PDZD2: variants seen among roughly 807,000 people sequenced by gnomAD.
PDZD2 encodes the protein PDZ domain-containing protein 2.
In PDZD2, 90 loss-of-function variants were observed where a neutral mutation model predicts 220.7. The ratio of observed to expected loss-of-function variants is 0.41; its 90% CI spans 0.34 to 0.49. The LOEUF is 0.49. PDZD2 is among the 20% of genes least tolerant of loss of function. The pLI, the probability that PDZD2 is intolerant of heterozygous loss-of-function variation, is 0.28. For missense variants in PDZD2, 3,174 were observed against 3,608.5 expected (o/e 0.88, Z 3.08); for synonymous variants, 1,375 against 1,450.5 (o/e 0.95, Z 1.18).
At chr5:31,951,505 C>A (rs1200031141) in intron 2 of PDZD2, among the ~76,000 whole-genome samples, 2 of 152,220 alleles carry the variant, frequency 1.3e-5, no homozygotes, top group Non-Finnish European at 2.9e-5. Context: ...TGGGGAGACA[C>A]AAACATTGAG....
intron 1 of PDZD2, among the ~76,000 whole-genome samples, chr5:31,736,213 A>G (rs937054570): frequency 2.6e-5 from 4 of 152,248 alleles, no homozygotes; most frequent in Non-Finnish European, 5.9e-5. Context: ...AAAGAATATC[A>G]TTAAAATAAT....
chr5:31,995,731 C>T lies in PDZD2; in HGVS notation c.1121+13C>T, dbSNP rs1751573863. The T allele has an allele frequency of 6.2e-7, 1 of 1,609,496 alleles. No homozygotes were observed. Among genetic ancestry groups the T allele is most frequent in the Non-Finnish European group, 8.5e-7 (1 of 1,177,836 alleles). ...GTGCCGCTCACAGGTGACTAGATAA[C>T]TCTCCCCTCTCCCCCATCCCTCTGC... On this transcript the variant is annotated intron_variant, in intron 4 of 24. Coordinates refer to ENST00000438447, the MANE Select transcript of PDZD2 (RefSeq NM_178140.4).
rs1157207021 is a variant in PDZD2, at chr5:32,073,771, TAAGAC to T, written c.2726-59_2726-55del. On this transcript the variant is annotated intron_variant, in intron 17 of 24. Coordinates refer to ENST00000438447, the MANE Select transcript of PDZD2 (RefSeq NM_178140.4). Reference sequence around the variant, plus strand: ...TATGTGTAATGATGGGGTCAGATGATAAGACAGGGCCAAGTGGGAAGCTCAATTTC... The same window carrying T: ...TATGTGTAATGATGGGGTCAGATGATAGGGCCAAGTGGGAAGCTCAATTTC... 9 of 1,080,226 alleles carry T rather than the reference TAAGAC, an allele frequency of 8.3e-6. No homozygotes were observed. In the African/African-American group the frequency reaches 1.3e-4, roughly 15 times the overall value. The allele number at this position is 1,080,226 out of a possible 1,614,324, so 66.9% of individuals were successfully genotyped here. A position where few individuals can be genotyped will look rare whatever the true frequency, so the allele number is the denominator to read the frequency against.
rs562836178 is a variant in PDZD2, at chr5:31,763,049, C to A, written c.-360-35840C>A. Among the ~76,000 whole-genome samples, 5 of 152,296 alleles carry A rather than the reference C, an allele frequency of 3.3e-5. No homozygotes were observed. In the East Asian group the frequency reaches 5.8e-4, roughly 18 times the overall value. ...ATTAAGAATGTGATTTTTTAAAGCACTTTAGGGAGTTACTAGAAATCGGAA... is the reference window on the plus strand; with the variant it reads ...ATTAAGAATGTGATTTTTTAAAGCAATTTAGGGAGTTACTAGAAATCGGAA... On this transcript the variant is annotated intron_variant, in intron 1 of 24. Coordinates refer to ENST00000438447, the MANE Select transcript of PDZD2 (RefSeq NM_178140.4).
chr5:31,806,300 G>T (rs1242964090), intron 2 of PDZD2, among the ~76,000 whole-genome samples: 1 of 152,174 alleles, frequency 6.6e-6, no homozygotes, highest in East Asian at 1.9e-4. Context: ...GGTCGATTTG[G>T]AATGTCCATC....
chr5:31,868,823 G>A (rs749487982), intron 2 of PDZD2, among the ~76,000 whole-genome samples: 4 of 152,214 alleles, frequency 2.6e-5, no homozygotes, highest in African/African-American at 4.8e-5. Flanking sequence ...CCAGGCTGGA[G>A]TGCAGTGGCA....
rs772037469 is a variant in PDZD2, at chr5:32,061,051, G to A, written c.2368G>A (p.Ala790Thr). The A allele has an allele frequency of 1.2e-6, 2 of 1,614,160 alleles. No homozygotes were observed. The highest frequency in any genetic ancestry group is 1.7e-6 in the Non-Finnish European group (2 of 1,179,996). ...EVNSVNVRHA[A>T]LSKVHAILSK... is the part of the protein sequence containing the mutation. ...GAACTCCGTCAACGTCCGCCATGCT[G>A]CTTTAAGCAAAGTCCACGCCATCTT... The change falls in exon 14 of 25, where the codon GCT (alanine) becomes ACT (threonine). Residue 790 changes from alanine to threonine, a missense_variant. Around this residue, in one of 4 missense-constraint regions of PDZD2, gnomAD observed 1,861 missense variants for 2,001.0 expected, o/e 0.93. Coordinates refer to ENST00000438447, the MANE Select transcript of PDZD2 (RefSeq NM_178140.4).
At chr5:31,955,416 T>A (rs917899024) in intron 2 of PDZD2, among the ~76,000 whole-genome samples, 2 of 152,044 alleles carry the variant, frequency 1.3e-5, no homozygotes, top group Admixed American at 1.3e-4. Context: ...TTCTCCTGCC[T>A]CAGCCTCCTG....
chr5:31,863,919 G>GAT (rs1348295334), intron 2 of PDZD2, among the ~76,000 whole-genome samples: 11 of 152,062 alleles, frequency 7.2e-5, no homozygotes, highest in South Asian at 2.1e-4. Flanking sequence ...ATACATAACA[G>GAT]ATATATATAT....
At position 32,101,172 on chromosome 5, in the gene PDZD2, G is replaced by A; in HGVS notation, c.8286G>A (p.Leu2762=). 1.9e-6 allele frequency: 3 copies of A among 1,614,118 alleles called. No individual in the cohort carries two copies. Among genetic ancestry groups the A allele is most frequent in the Non-Finnish European group, 2.5e-6 (3 of 1,179,978 alleles). The change falls in exon 24 of 25, where the codon CTG becomes CTA. Residue 2762 remains leucine (L), a synonymous_variant. Coordinates refer to ENST00000438447, the MANE Select transcript of PDZD2 (RefSeq NM_178140.4). ...EVLKTSAGLG[L]SLDGGKSSVT... is the part of the protein sequence containing the mutation. ...TGAAGACCTCGGCTGGGCTGGGACT[G>A]AGTCTGGATGGGGGAAAATCATCGG...
intron 4 of PDZD2, among the ~76,000 whole-genome samples, chr5:31,998,634 G>C (rs1373323293): frequency 6.6e-6 from 1 of 152,218 alleles, no homozygotes. Flanking sequence ...CTTTAGAACA[G>C]AGAAGTCCAA....
At chr5:31,825,179 C>A (rs1345136265) in intron 2 of PDZD2, among the ~76,000 whole-genome samples, 1 of 152,162 alleles carries the variant, frequency 6.6e-6, no homozygotes. Flanking sequence ...CAGTGAGAGA[C>A]CACGCTGCTT....
chr5:32,108,987 A>G lies in PDZD2; in HGVS notation c.*852A>G, dbSNP rs546262144. 1.3e-5 allele frequency: 2 copies of G among 152,798 alleles called. No individual in the cohort carries two copies. The highest frequency in any genetic ancestry group is 4.1e-4 in the South Asian group (2 of 4,826). The allele number at this position is 152,798 out of a possible 1,614,324, so 9.5% of individuals were successfully genotyped here. A position where few individuals can be genotyped will look rare whatever the true frequency, so the allele number is the denominator to read the frequency against. ...ACAACTAGTTTTTGAACCTGTCTTG[A>G]TAAGTGCTTGAATTCAAGACTGGTC... On this transcript the variant is annotated 3_prime_UTR_variant, in exon 25 of 25. Transcript: ENST00000438447.
chr5:31,832,304 CA>C (rs35284587), intron 2 of PDZD2: 82,824 of 151,966 alleles, frequency 0.55, 22,994 homozygotes, highest in Middle Eastern at 0.6. Flanking sequence ...TGTAAAGTTT[CA>C]GCCTGGTGTG....
At chr5:32,076,008 G>A (rs892366183) in intron 18 of PDZD2, among the ~76,000 whole-genome samples, 11 of 152,154 alleles carry the variant, frequency 7.2e-5, no homozygotes, top group South Asian at 2.1e-4. Context: ...AGCATCGGCC[G>A]GGCACAGTGG....
chr5:31,717,368 G>A (rs1383756187), intron 1 of PDZD2, among the ~76,000 whole-genome samples: 1 of 152,172 alleles, frequency 6.6e-6, no homozygotes, highest in African/African-American at 2.4e-5. Context: ...TCTAGCCTGG[G>A]AAAGAGATGC....
chr5:31,692,205 G>A (rs1747167305), intron 1 of PDZD2, among the ~76,000 whole-genome samples: 1 of 152,258 alleles, frequency 6.6e-6, no homozygotes, highest in Admixed American at 6.5e-5. Flanking sequence ...AGCAGCTGCT[G>A]GCCCAGGTGC....
intron 1 of PDZD2, among the ~76,000 whole-genome samples, chr5:31,791,636 T>TA (rs1287152121): frequency 7.1e-6 from 1 of 141,224 alleles, no homozygotes; most frequent in African/African-American, 2.6e-5. Context: ...AAAAAGCACC[T>TA]ACCAATATTC....
chr5:32,101,964 A>T (rs1744294062), intron 24 of PDZD2, among the ~76,000 whole-genome samples: 1 of 152,206 alleles, frequency 6.6e-6, no homozygotes, highest in African/African-American at 2.4e-5. Flanking sequence ...TAACAGAGTA[A>T]GTAGGTCAGC....
Sources: allele counts gnomAD v4.1 joint callset (sites outside exome capture counted in the v4.1 genomes callset), GRCh38; gene constraint gnomAD v4.1.1; regional missense constraint gnomAD v4.1.1; transcripts MANE v1.5; gene names NCBI Gene and HGNC (gene_info 2026-07-23, HGNC 2026-07-21).